RBFOX1: variants seen among roughly 807,000 people sequenced by gnomAD.
The protein encoded by RBFOX1 is RNA binding fox-1 homolog 1, also known as RNA binding protein fox-1 homolog 1.
In RBFOX1, 8 loss-of-function variants were observed where a neutral mutation model predicts 57.7. The observed-to-expected ratio is 0.14, with a 90% CI of 0.08 to 0.25. The LOEUF (loss-of-function observed/expected upper bound fraction) is 0.25. Among genes scored for constraint, RBFOX1 ranks in the 10% least tolerant of loss-of-function variants. The pLI, the probability that RBFOX1 is intolerant of heterozygous loss-of-function variation, is 1.00. For synonymous variants in RBFOX1, 326 were observed against 222.4 expected, an observed-to-expected ratio of 1.47 and a Z score of -4.15; for missense variants, 611 against 548.5, an observed-to-expected ratio of 1.11 and a Z score of -1.14.
At chr16:5,339,789 G>T (rs960150841) in intron 1 of RBFOX1, among the ~76,000 whole-genome samples, 1 of 152,056 alleles carries the variant, frequency 6.6e-6, no homozygotes, top group African/African-American at 2.4e-5. Context: ...AAGCCTTCCA[G>T]CATGGCAGAC....
At chr16:5,338,815 C>A (rs2064963478) in intron 1 of RBFOX1, among the ~76,000 whole-genome samples, 1 of 152,054 alleles carries the variant, frequency 6.6e-6, no homozygotes, top group Admixed American at 6.6e-5. Context: ...TGCTACCACA[C>A]CTGCCTATTT....
chr16:6,507,134 A>G (rs2096120978), intron 2 of RBFOX1, among the ~76,000 whole-genome samples: 1 of 152,114 alleles, frequency 6.6e-6, no homozygotes. Flanking sequence ...CAGCCTTCTG[A>G]GCCAGCATCG....
intron 5 of RBFOX1, among the ~76,000 whole-genome samples, chr16:7,523,391 C>G (rs1252986907): frequency 6.6e-6 from 1 of 152,152 alleles, no homozygotes; most frequent in Non-Finnish European, 1.5e-5. Flanking sequence ...GTGAGGAGTT[C>G]CATCTACATT....
At chr16:7,289,267 T>A (rs976079857) in intron 4 of RBFOX1, among the ~76,000 whole-genome samples, 7 of 152,188 alleles carry the variant, frequency 4.6e-5, no homozygotes, top group African/African-American at 1.7e-4. Flanking sequence ...TTAGAAAGAT[T>A]AAAGAGATGG....
At chr16:5,765,624 A>C (rs1375502502) in intron 3 of RBFOX1, among the ~76,000 whole-genome samples, 1 of 152,066 alleles carries the variant, frequency 6.6e-6, no homozygotes, top group African/African-American at 2.4e-5. Flanking sequence ...GATTCTCTGC[A>C]AACACTGTAA....
At chr16:7,105,333 G>C (rs2063388766) in intron 4 of RBFOX1, among the ~76,000 whole-genome samples, 2 of 139,526 alleles carry the variant, frequency 1.4e-5, no homozygotes, top group East Asian at 2.1e-4. Context: ...TTTTTTCTTA[G>C]TTTTTTATTT....
intron 1 of RBFOX1, among the ~76,000 whole-genome samples, chr16:6,144,057 C>T (rs1035463096): frequency 6.6e-6 from 1 of 151,566 alleles, no homozygotes; most frequent in Non-Finnish European, 1.5e-5. Flanking sequence ...CCTCAGCCTC[C>T]CAAAATGTTG....
At chr16:7,619,151 CTTAT>C (rs1320028604) in intron 10 of RBFOX1, among the ~76,000 whole-genome samples, 1 of 152,078 alleles carries the variant, frequency 6.6e-6, no homozygotes, top group African/African-American at 2.4e-5. Flanking sequence ...TCGATGCACA[CTTAT>C]TGTATTAAAC....
At chr16:6,891,103 C>G (rs1415382521) in intron 3 of RBFOX1, among the ~76,000 whole-genome samples, 1 of 152,182 alleles carries the variant, frequency 6.6e-6, no homozygotes, top group Non-Finnish European at 1.5e-5. Flanking sequence ...CTTCCAATAT[C>G]CATCCATTCA....
intron 3 of RBFOX1, among the ~76,000 whole-genome samples, chr16:6,880,680 G>C (rs961645598): frequency 1.3e-5 from 2 of 152,188 alleles, no homozygotes; most frequent in Non-Finnish European, 2.9e-5. Flanking sequence ...GATAAAAAGA[G>C]CACTGAGCTG....
chr16:5,663,956 C>T (rs1415874965), intron 3 of RBFOX1, among the ~76,000 whole-genome samples: 1 of 152,142 alleles, frequency 6.6e-6, no homozygotes. Flanking sequence ...CAAGCCAGCA[C>T]TCGAGATATT....
chr16:5,413,956 G>T (rs1218662806), intron 1 of RBFOX1, among the ~76,000 whole-genome samples: 1 of 152,140 alleles, frequency 6.6e-6, no homozygotes, highest in Non-Finnish European at 1.5e-5. Context: ...AATCCCTTTT[G>T]GTTGCCTGCT....
chr16:6,840,887 CAA>C (rs1165695098), intron 3 of RBFOX1, among the ~76,000 whole-genome samples: 2 of 45,760 alleles, frequency 4.4e-5, no homozygotes, highest in Non-Finnish European at 7.5e-5. Context: ...GACTCTGTCT[CAA>C]AAAAAAAAAA....
At chr16:6,854,705 C>T (rs1056437098) in intron 3 of RBFOX1, among the ~76,000 whole-genome samples, 1 of 147,806 alleles carries the variant, frequency 6.8e-6, no homozygotes, top group Admixed American at 6.9e-5. Flanking sequence ...AGTCGTTCTC[C>T]TGCGTCAGCC....
At chr16:5,762,349 A>G (rs1355712108) in intron 3 of RBFOX1, among the ~76,000 whole-genome samples, 2 of 31,284 alleles carry the variant, frequency 6.4e-5, no homozygotes, top group African/African-American at 3.3e-4. Flanking sequence ...CAGAAAACGA[A>G]CAAAAAGAAA....
chr16:5,976,645 G>A (rs1161178879), intron 4 of RBFOX1, among the ~76,000 whole-genome samples: 3 of 152,188 alleles, frequency 2.0e-5, no homozygotes, highest in Non-Finnish European at 2.9e-5. Context: ...GAGGTAGACA[G>A]ATTACTTGAG....
At chr16:5,886,900 C>G (rs1182593789) in intron 4 of RBFOX1, among the ~76,000 whole-genome samples, 1 of 152,008 alleles carries the variant, frequency 6.6e-6, no homozygotes, top group Non-Finnish European at 1.5e-5. Flanking sequence ...ACAAACAAAT[C>G]ATCTCTTCAA....
intron 10 of RBFOX1, among the ~76,000 whole-genome samples, chr16:7,608,065 C>G (rs1158762677): frequency 6.6e-6 from 1 of 152,224 alleles, no homozygotes; most frequent in African/African-American, 2.4e-5. Flanking sequence ...TGCTCTTGAA[C>G]AAGGCTGCAT....
At chr16:6,839,667 C>G (rs754932949) in intron 3 of RBFOX1, among the ~76,000 whole-genome samples, 1 of 152,120 alleles carries the variant, frequency 6.6e-6, no homozygotes, top group African/African-American at 2.4e-5. Context: ...TGCAAACTCT[C>G]CTATTTTTAA....
Sources: allele counts gnomAD v4.1 joint callset (sites outside exome capture counted in the v4.1 genomes callset), GRCh38; gene constraint gnomAD v4.1.1; transcripts MANE v1.5; gene names NCBI Gene and HGNC (gene_info 2026-07-23, HGNC 2026-07-21).